Variants in DMTF1 observed in about 807,000 individuals in gnomAD.
DMTF1 encodes cyclin-D-binding Myb-like transcription factor 1.
DMTF1 carries 39 observed loss-of-function variants against 91.1 expected under a neutral mutation model. The ratio of observed to expected loss-of-function variants is 0.43; its 90% confidence interval spans 0.33 to 0.56. The LOEUF is 0.56. Ranked by LOEUF, DMTF1 falls within the 20% of genes least tolerant of loss-of-function variation. The pLI, the probability that DMTF1 is intolerant of heterozygous loss-of-function variation, is 0.05. For synonymous variants in DMTF1, 338 were observed against 309.5 expected, an observed-to-expected ratio of 1.09 and a Z score of -0.97; for missense variants, 750 against 914.5, an observed-to-expected ratio of 0.82 and a Z score of 2.32.
intron 9 of DMTF1, among the ~76,000 whole-genome samples, chr7:87,181,617 C>G (rs1412746132): frequency 6.6e-6 from 1 of 152,062 alleles, no homozygotes; most frequent in South Asian, 2.1e-4. Flanking sequence ...TTTTTGGTAG[C>G]CTGAAGACTA....
chr7:87,194,680 T>G lies in DMTF1; in HGVS notation c.2029-4T>G. Reference sequence around the variant, plus strand: ...GTCAATATTTTTTTTTTAATGTTATTTAGGGTTTAGAGTCTCCCACTATAG... The same window carrying G: ...GTCAATATTTTTTTTTTAATGTTATGTAGGGTTTAGAGTCTCCCACTATAG... On this transcript the variant is annotated splice_polypyrimidine_tract_variant and splice_region_variant and intron_variant, in intron 16 of 17. Coordinates refer to ENST00000331242, the MANE Select transcript of DMTF1 (RefSeq NM_001142327.2). 2 of 1,595,976 alleles carry G rather than the reference T, an allele frequency of 1.3e-6. No individual in the cohort carries two copies. Among genetic ancestry groups the G allele is most frequent in the Non-Finnish European group, 1.7e-6 (2 of 1,167,824 alleles).
intron 1 of DMTF1, among the ~76,000 whole-genome samples, chr7:87,154,724 C>A (rs1003975362): frequency 2.6e-5 from 4 of 152,152 alleles, no homozygotes; most frequent in Non-Finnish European, 1.5e-5. Context: ...GGTGGAGACT[C>A]ATATCAAAAG....
chr7:87,162,036 A>G (rs1049862883), intron 1 of DMTF1, among the ~76,000 whole-genome samples: 1 of 152,216 alleles, frequency 6.6e-6, no homozygotes, highest in African/African-American at 2.4e-5. Context: ...ATTGGGAACA[A>G]CATAAATGTC....
chr7:87,181,411 A>G lies in DMTF1; in HGVS notation c.710+70A>G, dbSNP rs989955009. The G allele has an allele frequency of 7.7e-6, 6 of 777,156 alleles. No individual in the cohort carries two copies. The African/African-American group carries it at 1.1e-4, about 14-fold the overall frequency. 48.1% of individuals were successfully genotyped at this position (777,156 alleles called of 1,614,324 possible). A position where few individuals can be genotyped will look rare whatever the true frequency, so the allele number is the denominator to read the frequency against. ...TACGTCCTTAAAAGTTTTACTTTGA[A>G]AATTTCAAGAGGTTTTTGGCAGACT... On this transcript the variant is annotated intron_variant, in intron 9 of 17. Transcript: ENST00000331242.
rs539368208 is a variant in DMTF1, at chr7:87,158,446, G to A, written c.-131-5049G>A. 3.3e-5 allele frequency among the ~76,000 whole-genome samples: 5 copies of A among 151,972 alleles called. No individual in the cohort carries two copies. In the East Asian group the frequency reaches 9.6e-4, roughly 29 times the overall value. On this transcript the variant is annotated intron_variant, in intron 1 of 17. Coordinates refer to ENST00000331242, the MANE Select transcript of DMTF1 (RefSeq NM_001142327.2). ...AATAAATCAAATACATTTTAGTCTTGCAAAAAAACTTCATTGAGATTGTTA... is the reference window on the plus strand; with the variant it reads ...AATAAATCAAATACATTTTAGTCTTACAAAAAAACTTCATTGAGATTGTTA...
chr7:87,167,964 C>G (rs1794219545), intron 4 of DMTF1, among the ~76,000 whole-genome samples: 1 of 152,202 alleles, frequency 6.6e-6, no homozygotes, highest in Non-Finnish European at 1.5e-5. Flanking sequence ...TAGGTTCAAA[C>G]TACACTTGGT....
At chr7:87,181,619 TG>T (rs1338043300) in intron 9 of DMTF1, among the ~76,000 whole-genome samples, 1 of 152,160 alleles carries the variant, frequency 6.6e-6, no homozygotes. Flanking sequence ...TTTGGTAGCC[TG>T]AAGACTAAAT....
Position 87,193,197 on chromosome 7 carries a change from G to T in DMTF1, c.1495-1G>T, listed in dbSNP as rs1289610587. On this transcript the variant is annotated splice_acceptor_variant, in intron 14 of 17. Coordinates refer to ENST00000331242, the MANE Select transcript of DMTF1 (RefSeq NM_001142327.2). LOFTEE classifies it high-confidence loss of function. ...TAAACTATCTTTCCTTTTTCCTTTAGTCTTTCCATCTACAGCCCACTGGCA... is the reference window on the plus strand; with the variant it reads ...TAAACTATCTTTCCTTTTTCCTTTATTCTTTCCATCTACAGCCCACTGGCA... The T allele has an allele frequency of 2.5e-6, 4 of 1,610,938 alleles. No homozygotes were observed. In the Admixed American group the frequency reaches 5.1e-5, roughly 20 times the overall value.
rs567347455 is a variant in DMTF1, at chr7:87,157,526, A to G, written c.-132+4971A>G. On this transcript the variant is annotated intron_variant, in intron 1 of 17. Transcript: ENST00000331242. ...TCCTTGATTCTGGTTTTTAGAAGAT[A>G]TTCAACACTTAAATGCCCAGAAAAA... is the stretch of plus-strand genomic sequence containing the variant. 2.0e-5 allele frequency among the ~76,000 whole-genome samples: 3 copies of G among 152,278 alleles called. No individual in the cohort carries two copies. In the South Asian group the frequency reaches 6.2e-4, roughly 32 times the overall value.
intron 4 of DMTF1, among the ~76,000 whole-genome samples, chr7:87,168,410 TTC>T (rs1393107652): frequency 6.6e-6 from 1 of 152,184 alleles, no homozygotes; most frequent in African/African-American, 2.4e-5. Flanking sequence ...ATTTCAGACT[TTC>T]TGTTTTCCTA....
In DMTF1 at chr7:87,179,711, A is replaced by C. The variant is rs754637753; in HGVS notation, c.677+9A>C. ...AGAAACCATGTGGGAAAGTATGAGA[A>C]CTTGTAATGCTGCATGTTTTCATGT... On this transcript the variant is annotated intron_variant, in intron 8 of 17. Transcript: ENST00000331242. 25 of 1,563,688 alleles carry C rather than the reference A, an allele frequency of 1.6e-5. No individual in the cohort carries two copies. The highest frequency in any genetic ancestry group is 2.1e-5 in the Non-Finnish European group (25 of 1,163,644).
intron 9 of DMTF1, chr7:87,182,027 A>G (rs1797488516): frequency 1.3e-6 from 2 of 1,528,848 alleles, no homozygotes; most frequent in African/African-American, 1.4e-5. Flanking sequence ...GAAAAAGGCA[A>G]TTGCTGCCTG....
At chr7:87,161,314 A>G (rs1453148592) in intron 1 of DMTF1, among the ~76,000 whole-genome samples, 1 of 152,202 alleles carries the variant, frequency 6.6e-6, no homozygotes, top group East Asian at 1.9e-4. Flanking sequence ...CCTGGTCAAC[A>G]TGGTGAAACC....
At chr7:87,182,176 A>G in intron 9 of DMTF1, 52 bp from the exon 10 acceptor site, 1 of 1,612,946 alleles carries the variant, frequency 6.2e-7, no homozygotes, top group Middle Eastern at 1.7e-4. Context: ...TGATGAAATT[A>G]AAAGGGAGAA....
chr7:87,180,947 G>A (rs557165597), intron 8 of DMTF1, among the ~76,000 whole-genome samples: 4 of 147,058 alleles, frequency 2.7e-5, no homozygotes, highest in Admixed American at 1.4e-4. Flanking sequence ...CCTCTGCCTC[G>A]TGAGTTCAAG....
intron 7 of DMTF1, 112 bp from the exon 8 acceptor site, chr7:87,179,433 T>G (rs539497189): frequency 1.2e-6 from 1 of 845,476 alleles, no homozygotes; most frequent in African/African-American, 1.8e-5. Flanking sequence ...TGATATATTA[T>G]TTTTCTAAAT....
intron 7 of DMTF1, among the ~76,000 whole-genome samples, chr7:87,178,771 C>A (rs946135010): frequency 4.2e-5 from 5 of 118,408 alleles, no homozygotes; most frequent in Admixed American, 9.4e-5. Context: ...GAAATGTACC[C>A]ACTTTTTTTT....
In DMTF1 at chr7:87,163,583, T is replaced by C. The variant is rs1793054063; in HGVS notation, c.-43T>C. 6.6e-6 allele frequency: 1 copy of C among 152,246 alleles called. No individual in the cohort carries two copies. The highest frequency in any genetic ancestry group is 6.5e-5 in the Admixed American group (1 of 15,284). The allele number at this position is 152,246 out of a possible 1,614,324, so 9.4% of individuals were successfully genotyped here. A position where few individuals can be genotyped will look rare whatever the true frequency, so the allele number is the denominator to read the frequency against. On this transcript the variant is annotated 5_prime_UTR_variant, in exon 2 of 18. Coordinates refer to ENST00000331242, the MANE Select transcript of DMTF1 (RefSeq NM_001142327.2). ...GCTAAGGGAAGGCAACTTGATTCTG[T>C]GGGAAGGGCTGTAGCTGATCCATCC...
In DMTF1 at chr7:87,173,660, A is replaced by G. The variant is rs1481920100; in HGVS notation, c.442+11A>G. The G allele has an allele frequency of 6.4e-7, 1 of 1,566,128 alleles. No individual in the cohort carries two copies. Among genetic ancestry groups the G allele is most frequent in the Non-Finnish European group, 8.7e-7 (1 of 1,145,892 alleles). ...CTCTGACTAATAAAGGTAAGATAAC[A>G]CTGTGAATTTTAGTGCCTAGTGAAA... On this transcript the variant is annotated intron_variant, in intron 6 of 17. Transcript: ENST00000331242.
Sources: gnomAD v4.1 joint callset for allele counts (sites outside exome capture counted in the v4.1 genomes callset) on GRCh38, gnomAD v4.1.1 for gene constraint, MANE v1.5 for transcripts, NCBI Gene and HGNC (gene_info 2026-07-23, HGNC 2026-07-21) for gene names.